PEX16: variants seen among roughly 807,000 people sequenced by gnomAD.
PEX16 encodes the protein peroxin 16.
In PEX16, 37 loss-of-function variants were observed where a neutral mutation model predicts 50.5. The ratio of observed to expected loss-of-function variants is 0.73; its 90% CI spans 0.56 to 0.96. The LOEUF (loss-of-function observed/expected upper bound fraction) is 0.96. Ranked by LOEUF, PEX16 falls within the 40% of genes least tolerant of loss-of-function variation. PEX16 has a pLI of 0.00. For missense variants in PEX16, 401 were observed against 438.3 expected, an observed-to-expected ratio of 0.91 and a Z score of 0.76; for synonymous variants, 185 against 190.3, an observed-to-expected ratio of 0.97 and a Z score of 0.23.
intron 5 of PEX16, among the ~76,000 whole-genome samples, chr11:45,915,010 G>A (rs559078597): frequency 3.3e-5 from 5 of 152,336 alleles, no homozygotes; most frequent in African/African-American, 7.2e-5. Flanking sequence ...CAGAGGGGCC[G>A]TCTCCTCTCA....
At chr11:45,917,530 T>A (rs1049228975) in intron 1 of PEX16, 37 bp from the exon 2 acceptor site, 17 of 1,611,786 alleles carry the variant, frequency 1.1e-5, no homozygotes, top group Non-Finnish European at 1.4e-5. Context: ...TGAGTGAGCA[T>A]CTGCCTCACA....
In PEX16 at chr11:45,916,259, G is replaced by A. The variant is rs752665298; in HGVS notation, c.193C>T (p.Leu65=). 3.1e-6 allele frequency: 5 copies of A among 1,613,994 alleles called. 1 individual carries two copies. The South Asian group carries it at 3.3e-5, about 11-fold the overall frequency. Residue 65 remains leucine (L), a synonymous_variant, in exon 3 of 11, where the codon CTA becomes TTA. Transcript: ENST00000378750. ...AACTTTTTCCGAAGCTCCTTCCGTA[G>A]GATCCCGTCATTGAGCAGCACAAGC... ...NLLVLLNDGI[L]RKELRKKLPV... is the part of the protein sequence containing the mutation.
In PEX16 at chr11:45,914,407, C is replaced by T. The variant is rs35874263; in HGVS notation, c.603G>A (p.Gln201=). The T allele has an allele frequency of 1.2e-6, 2 of 1,609,186 alleles. No homozygotes were observed. The highest frequency in any genetic ancestry group is 1.7e-6 in the Non-Finnish European group (2 of 1,179,938). The change falls in exon 7 of 11, where the codon CAG becomes CAA. Residue 201 remains glutamine, a synonymous_variant. Transcript: ENST00000378750. ...APQQREGRQQ[Q]HHEELSATPT... ...GGGTCGCACTCAGCTCCTCGTGATGCTGCTGCTGCCGTCCCTCCCGCTGCT... is the reference window on the plus strand; with the variant it reads ...GGGTCGCACTCAGCTCCTCGTGATGTTGCTGCTGCCGTCCCTCCCGCTGCT...
At position 45,910,043 on chromosome 11, in the gene PEX16, A is replaced by G. The variant is rs1369032273; in HGVS notation, c.*211T>C. 1.3e-6 allele frequency: 2 copies of G among 1,524,432 alleles called. No individual in the cohort carries two copies. The highest frequency in any genetic ancestry group is 1.8e-6 in the Non-Finnish European group (2 of 1,102,802). The allele number at this position is 1,524,432 out of a possible 1,614,324, so 94.4% of individuals were successfully genotyped here. A position where few individuals can be genotyped will look rare whatever the true frequency, so the allele number is the denominator to read the frequency against. On this transcript the variant is annotated 3_prime_UTR_variant, in exon 11 of 11. Coordinates refer to ENST00000378750, the MANE Select transcript of PEX16 (RefSeq NM_004813.4). ...CCTAGTGAAGGCTTCTTGGCCCAGCAGTGACAAGGTGCGGGCTGCAGTGGC... is the reference window on the plus strand; with the variant it reads ...CCTAGTGAAGGCTTCTTGGCCCAGCGGTGACAAGGTGCGGGCTGCAGTGGC...
At chr11:45,915,999 T>TG (rs1312631226) in intron 3 of PEX16, among the ~76,000 whole-genome samples, 163 bp from the exon 4 acceptor site, 1 of 152,058 alleles carries the variant, frequency 6.6e-6, no homozygotes, top group Non-Finnish European at 1.5e-5. Flanking sequence ...ATTAACAGGC[T>TG]GGGGGACCTG....
chr11:45,913,882 C>T lies in PEX16; in HGVS notation c.824G>A (p.Arg275Gln), dbSNP rs1383363053. The T allele has an allele frequency of 3.7e-6, 6 of 1,611,692 alleles. No homozygotes were observed. Among genetic ancestry groups the T allele is most frequent in the South Asian group, 1.1e-5 (1 of 91,024 alleles). ...GLTRRERREL[R>Q]RRTILLLYYL... The stretch of plus-strand genomic sequence containing the variant: ...GTAGAGCAGCAGGATGGTCCGGCGC[C>T]GCAGCTCCCGCCGCTCCCTCCGGGT... Residue 275 changes from arginine to glutamine, a missense_variant, in exon 9 of 11, where the codon CGG becomes CAG. Coordinates refer to ENST00000378750, the MANE Select transcript of PEX16 (RefSeq NM_004813.4).
At chr11:45,912,735 C>T (rs1260792010) in intron 9 of PEX16, among the ~76,000 whole-genome samples, 1 of 152,060 alleles carries the variant, frequency 6.6e-6, no homozygotes, top group African/African-American at 2.4e-5. Flanking sequence ...ACCTCCCGAC[C>T]TTGTGATCCG....
At chr11:45,915,597 G>A in intron 4 of PEX16, 29 bp from the exon 5 acceptor site, 2 of 1,613,198 alleles carry the variant, frequency 1.2e-6, no homozygotes, top group Non-Finnish European at 1.7e-6. Context: ...CAGGGTTGTG[G>A]GGAGGTGGCT....
Position 45,910,168 on chromosome 11 carries a change from C to G in PEX16, c.*86G>C, listed in dbSNP as rs146486656. On this transcript the variant is annotated 3_prime_UTR_variant, in exon 11 of 11. Coordinates refer to ENST00000378750, the MANE Select transcript of PEX16 (RefSeq NM_004813.4). The stretch of plus-strand genomic sequence containing the variant: ...GGCCGGTAGGCACGGAGAGGCCGCA[C>G]GCTGGGACGCTGCCGGAGTCAGTTT... 21 of 1,612,122 alleles carry G rather than the reference C, an allele frequency of 1.3e-5. No homozygotes were observed. Among genetic ancestry groups the G allele is most frequent in the South Asian group, 2.2e-5 (2 of 91,004 alleles).
chr11:45,914,825 C>T (rs1205336095), intron 5 of PEX16, 141 bp from the exon 6 acceptor site: 1 of 778,766 alleles, frequency 1.3e-6, no homozygotes. Flanking sequence ...GTCAAGGGAA[C>T]TACAAGCAGG....
At position 45,915,535 on chromosome 11, in the gene PEX16, G is replaced by A. The variant is rs1181877008; in HGVS notation, c.393C>T (p.Phe131=). The A allele has an allele frequency of 1.2e-6, 2 of 1,614,174 alleles. No individual in the cohort carries two copies. Among genetic ancestry groups the A allele is most frequent in the Non-Finnish European group, 1.7e-6 (2 of 1,180,042 alleles). ...AVLRMLLLLW[F]KAGLQTSPPI... Reference sequence around the variant, plus strand: ...GGGGTGAAGTCTGGAGGCCAGCCTTGAACCAGAGCAGCAGGAGCATCCGCA... The same window carrying A: ...GGGGTGAAGTCTGGAGGCCAGCCTTAAACCAGAGCAGCAGGAGCATCCGCA... Residue 131 remains phenylalanine, a synonymous_variant, in exon 5 of 11, where the codon TTC becomes TTT. Transcript: ENST00000378750.
At chr11:45,916,473 A>G (rs1004111853) in intron 2 of PEX16, among the ~76,000 whole-genome samples, 170 bp from the exon 3 acceptor site, 10 of 152,112 alleles carry the variant, frequency 6.6e-5, no homozygotes, top group East Asian at 3.9e-4. Flanking sequence ...CCTCTCCCCA[A>G]CATGATCTCA....
At chr11:45,916,095 A>T in intron 3 of PEX16, 132 bp downstream of exon 3, 1 of 812,246 alleles carries the variant, frequency 1.2e-6, no homozygotes, top group Non-Finnish European at 2.2e-6. Context: ...ACCTAATGAG[A>T]TGGTTTGAGG....
chr11:45,916,134 TCC>T, intron 3 of PEX16, 91 bp downstream of exon 3: 1 of 939,368 alleles, frequency 1.1e-6, no homozygotes, highest in Non-Finnish European at 1.8e-6. Context: ...TGTCTCATAC[TCC>T]ATGAGACATG....
intron 9 of PEX16, among the ~76,000 whole-genome samples, chr11:45,912,998 A>AT (rs5791710): frequency 4.6e-4 from 68 of 149,376 alleles, no homozygotes; most frequent in Admixed American, 1.1e-3. Context: ...AATTATTATT[A>AT]TTTTTTTTTT....
Position 45,910,017 on chromosome 11 carries a change from T to G in PEX16, c.*237A>C. ...TGTGGGAGAGGAGCCTGGATCCCAC[T>G]CCTAGTGAAGGCTTCTTGGCCCAGC... is the stretch of plus-strand genomic sequence containing the variant. On this transcript the variant is annotated 3_prime_UTR_variant, in exon 11 of 11. Transcript: ENST00000378750. The G allele has an allele frequency of 7.3e-7, 1 of 1,363,418 alleles. No homozygotes were observed. The highest frequency in any genetic ancestry group is 2.3e-5 in the East Asian group (1 of 43,688). 84.5% of individuals were successfully genotyped at this position (1,363,418 alleles called of 1,614,324 possible).
At chr11:45,917,420 G>A in intron 2 of PEX16, 38 bp downstream of exon 2, 1 of 1,607,910 alleles carries the variant, frequency 6.2e-7, no homozygotes, top group African/African-American at 1.3e-5. Context: ...GGGCCAGGCA[G>A]CCGATCCCCC....
At chr11:45,917,236 G>A in intron 2 of PEX16, 1 of 692,086 alleles carries the variant, frequency 1.4e-6, no homozygotes, top group Non-Finnish European at 2.6e-6. Flanking sequence ...CCAGCGCCTG[G>A]CCAGTAGTGA....
chr11:45,914,418 G>T lies in PEX16; in HGVS notation c.592C>A (p.Arg198=). Reference sequence around the variant, plus strand: ...AGCTCCTCGTGATGCTGCTGCTGCCGTCCCTCCCGCTGCTGGGGAGCTCCC... The same window carrying T: ...AGCTCCTCGTGATGCTGCTGCTGCCTTCCCTCCCGCTGCTGGGGAGCTCCC... ...HWGAPQQREG[R]QQQHHEELSA... Residue 198 remains arginine (R), a synonymous_variant, in exon 7 of 11, where the codon CGG becomes AGG. Coordinates refer to ENST00000378750, the MANE Select transcript of PEX16 (RefSeq NM_004813.4). The T allele has an allele frequency of 1.9e-6, 3 of 1,609,078 alleles. No individual in the cohort carries two copies. Among genetic ancestry groups the T allele is most frequent in the Non-Finnish European group, 2.5e-6 (3 of 1,179,988 alleles).
Sources: allele counts gnomAD v4.1 joint callset (sites outside exome capture counted in the v4.1 genomes callset), GRCh38; gene constraint gnomAD v4.1.1; transcripts MANE v1.5; gene names NCBI Gene and HGNC (gene_info 2026-07-23, HGNC 2026-07-21).